RBMS3: variants seen among roughly 807,000 people sequenced by gnomAD.
RBMS3 encodes RNA binding motif single stranded interacting protein 3.
Under a neutral mutation model 66.8 loss-of-function variants are expected in RBMS3, and 27 were observed. That is an observed-to-expected ratio of 0.40 (90% confidence interval 0.30 to 0.56). The LOEUF is 0.56. RBMS3 is among the 20% of genes least tolerant of loss of function. The probability of loss-of-function intolerance (pLI) is 0.40; values close to 1 mark genes in which losing one functional copy is unlikely to be tolerated. For synonymous variants in RBMS3, 188 were observed against 183.0 expected, an observed-to-expected ratio of 1.03 and a Z score of -0.22; for missense variants, 513 against 549.5, an observed-to-expected ratio of 0.93 and a Z score of 0.66.
intron 1 of RBMS3, among the ~76,000 whole-genome samples, chr3:29,375,483 C>A (rs1224815646): frequency 1.3e-5 from 2 of 152,148 alleles, no homozygotes; most frequent in African/African-American, 4.8e-5. Context: ...CCAGCATCTA[C>A]AAGGAACTTA....
rs375080026 is a variant in RBMS3, at chr3:29,575,671, G to T, written c.308-11443G>T. Among the ~76,000 whole-genome samples, 4 of 151,952 alleles carry T rather than the reference G, an allele frequency of 2.6e-5. 1 individual carries two copies. In the South Asian group the frequency reaches 8.3e-4, roughly 31 times the overall value. ...CTTTTGATACTACTTTCTAGATCTT[G>T]TCAGCATGCTTCATTGCTTTCTACT... On this transcript the variant is annotated intron_variant, in intron 3 of 14. Transcript: ENST00000383767.
chr3:29,658,779 A>G (rs1288366481), intron 4 of RBMS3, among the ~76,000 whole-genome samples: 1 of 152,134 alleles, frequency 6.6e-6, no homozygotes, highest in East Asian at 1.9e-4. Context: ...GCTTTTTGAC[A>G]TTCTGATTTC....
At chr3:29,559,725 C>T (rs555029091) in intron 3 of RBMS3, among the ~76,000 whole-genome samples, 3 of 152,086 alleles carry the variant, frequency 2.0e-5, no homozygotes, top group East Asian at 1.9e-4. Flanking sequence ...CACCAATTTG[C>T]ATTTATTGAA....
At chr3:29,424,118 A>T (rs1186957703) in intron 1 of RBMS3, among the ~76,000 whole-genome samples, 2 of 152,236 alleles carry the variant, frequency 1.3e-5, no homozygotes, top group South Asian at 2.1e-4. Context: ...GTAGATATTG[A>T]TGAAGTAGAA....
intron 1 of RBMS3, among the ~76,000 whole-genome samples, chr3:29,317,963 T>C (rs2125483043): frequency 6.6e-6 from 1 of 151,918 alleles, no homozygotes; most frequent in African/African-American, 2.4e-5. Flanking sequence ...GCAATCTTAT[T>C]TTATCTTAGT....
chr3:29,636,459 T>C (rs2049477298), intron 4 of RBMS3, among the ~76,000 whole-genome samples: 1 of 151,950 alleles, frequency 6.6e-6, no homozygotes, highest in Non-Finnish European at 1.5e-5. Context: ...GAATGCTCTG[T>C]CACTGAAACT....
In RBMS3 at chr3:29,323,918, T is replaced by C. The variant is rs150615988; in HGVS notation, c.75+42162T>C. Among the ~76,000 whole-genome samples the C allele has an allele frequency of 1.7e-3, 252 of 151,348 alleles. 1 individual carries two copies. The highest frequency in any genetic ancestry group is 5.9e-3 in the African/African-American group (243 of 41,154). On this transcript the variant is annotated intron_variant, in intron 1 of 14. Coordinates refer to ENST00000383767, the MANE Select transcript of RBMS3 (RefSeq NM_001003793.3). ...GAAAACACTGATAAAGCCAATAAAA[T>C]AACACACCGATTCAGATATTACCCT...
chr3:29,901,642 A>C (rs1487893262), intron 10 of RBMS3, among the ~76,000 whole-genome samples: 2 of 151,620 alleles, frequency 1.3e-5, no homozygotes, highest in African/African-American at 2.4e-5. Flanking sequence ...GTGTGTGTAC[A>C]TGTGTGTGTG....
chr3:29,878,014 A>C (rs1577055183), intron 7 of RBMS3, among the ~76,000 whole-genome samples: 1 of 152,178 alleles, frequency 6.6e-6, no homozygotes, highest in South Asian at 2.1e-4. Context: ...TTCCGTTGAC[A>C]GGGGTGTTGG....
chr3:29,665,735 C>T (rs2050725930), intron 4 of RBMS3, among the ~76,000 whole-genome samples: 1 of 151,968 alleles, frequency 6.6e-6, no homozygotes, highest in South Asian at 2.1e-4. Flanking sequence ...TTTTTTATTT[C>T]AAATGTTTTA....
At chr3:29,324,641 T>TGGAGC (rs1248325114) in intron 1 of RBMS3, among the ~76,000 whole-genome samples, 3,189 of 152,174 alleles carry the variant, frequency 0.021, 118 homozygotes, top group African/African-American at 0.073. Flanking sequence ...TCCAAGATGT[T>TGGAGC]TCCCCTGTGC....
intron 4 of RBMS3, among the ~76,000 whole-genome samples, chr3:29,632,250 T>A (rs2049310022): frequency 6.6e-6 from 1 of 151,942 alleles, no homozygotes; most frequent in Admixed American, 6.6e-5. Flanking sequence ...ATCAATCATT[T>A]AAATACCCAG....
chr3:29,993,605 A>G (rs1699022448), intron 14 of RBMS3, among the ~76,000 whole-genome samples: 1 of 152,166 alleles, frequency 6.6e-6, no homozygotes, highest in Non-Finnish European at 1.5e-5. Flanking sequence ...AATAGAGCAA[A>G]AAGATTGAAC....
intron 10 of RBMS3, among the ~76,000 whole-genome samples, chr3:29,904,576 A>G (rs17024582): frequency 0.023 from 3,520 of 152,094 alleles, 142 homozygotes; most frequent in African/African-American, 0.081. Flanking sequence ...CAAGACAGTA[A>G]TATTACACCC....
chr3:29,997,266 G>T (rs1471036967), intron 14 of RBMS3, among the ~76,000 whole-genome samples: 1 of 151,990 alleles, frequency 6.6e-6, no homozygotes, highest in African/African-American at 2.4e-5. Context: ...TGAAATTGTG[G>T]CAATAATCAA....
chr3:29,531,191 G>A (rs754228065), intron 3 of RBMS3, among the ~76,000 whole-genome samples: 1 of 152,194 alleles, frequency 6.6e-6, no homozygotes, highest in African/African-American at 2.4e-5. Context: ...CTACTCAAAC[G>A]TCTACAAAAC....
intron 6 of RBMS3, among the ~76,000 whole-genome samples, chr3:29,849,245 G>C (rs1411848250): frequency 6.6e-6 from 1 of 151,238 alleles, no homozygotes; most frequent in Non-Finnish European, 1.5e-5. Context: ...GTTGAGCGTA[G>C]TGGCTCCCAC....
chr3:29,911,988 T>TAGAC (rs796957551), intron 10 of RBMS3, among the ~76,000 whole-genome samples: 1 of 146,242 alleles, frequency 6.8e-6, no homozygotes, highest in African/African-American at 2.8e-5. Context: ...AATAGCTAGA[T>TAGAC]AGATAGATAG....
chr3:29,326,050 T>C (rs1374137058), intron 1 of RBMS3, among the ~76,000 whole-genome samples: 6 of 152,216 alleles, frequency 3.9e-5, no homozygotes, highest in Non-Finnish European at 5.9e-5. Flanking sequence ...ACTGTCATAA[T>C]CTACCACTGA....
Sources: gnomAD v4.1 joint callset for allele counts (sites outside exome capture counted in the v4.1 genomes callset) on GRCh38, gnomAD v4.1.1 for gene constraint, MANE v1.5 for transcripts, NCBI Gene and HGNC (gene_info 2026-07-23, HGNC 2026-07-21) for gene names.